SMIM10L3: variants seen among roughly 807,000 people sequenced by gnomAD.
The protein encoded by SMIM10L3 is small integral membrane protein 10 like 3, also known as salivary gland specific protein SAGSIN1.
At chr7:6,334,388 T>C in the SMIM10L3 span, among the ~76,000 whole-genome samples, 207 of 151,490 alleles carry the variant, frequency 1.4e-3, no homozygotes, top group African/African-American at 4.8e-3. Flanking sequence ...ATACAAAAAT[T>C]AGCTGGGCAT....
chr7:6,334,022 A>C, the SMIM10L3 span, among the ~76,000 whole-genome samples: 2,999 of 150,696 alleles, frequency 0.02, 120 homozygotes, highest in African/African-American at 0.069. Flanking sequence ...AATTTTTCGT[A>C]TTTTTAGTAG....
At chr7:6,332,501 CAT>C in the SMIM10L3 span, among the ~76,000 whole-genome samples, 2 of 152,078 alleles carry the variant, frequency 1.3e-5, no homozygotes, top group African/African-American at 4.8e-5. Flanking sequence ...AATTTTGACA[CAT>C]GATGTGTTCA....
the SMIM10L3 span, among the ~76,000 whole-genome samples, chr7:6,332,989 T>C: frequency 6.6e-6 from 1 of 151,942 alleles, no homozygotes; most frequent in South Asian, 2.1e-4. Flanking sequence ...TGAAACCCTG[T>C]CTCTATCAAA....
the SMIM10L3 span, among the ~76,000 whole-genome samples, chr7:6,333,168 C>CAA: frequency 7.8e-6 from 1 of 127,996 alleles, no homozygotes; most frequent in Non-Finnish European, 1.8e-5. Flanking sequence ...ATAAAAAAAT[C>CAA]AAAAAAAAAA....
the SMIM10L3 span, among the ~76,000 whole-genome samples, chr7:6,347,474 C>CCACCG: frequency 6.6e-6 from 1 of 151,858 alleles, no homozygotes; most frequent in Non-Finnish European, 1.5e-5. Flanking sequence ...TGAGATGGCG[C>CCACCG]CACCGCACTC....
the SMIM10L3 span, among the ~76,000 whole-genome samples, chr7:6,340,569 G>A: frequency 1.3e-5 from 2 of 152,014 alleles, no homozygotes; most frequent in African/African-American, 2.4e-5. Context: ...AGGGAATTCA[G>A]GATAACAGAC....
chr7:6,346,919 AG>A, the SMIM10L3 span, among the ~76,000 whole-genome samples: 1 of 152,300 alleles, frequency 6.6e-6, no homozygotes, highest in East Asian at 1.9e-4. Flanking sequence ...TCCCCAAAGG[AG>A]GGTCCCTCCT....
the SMIM10L3 span, chr7:6,330,272 C>T: frequency 5.3e-6 from 6 of 1,142,448 alleles, no homozygotes; most frequent in East Asian, 1.5e-4. Context: ...AAAACTACAG[C>T]AGGAACCTAA....
chr7:6,345,854 C>T, the SMIM10L3 span, among the ~76,000 whole-genome samples: 1 of 151,612 alleles, frequency 6.6e-6, no homozygotes, highest in Non-Finnish European at 1.5e-5. Flanking sequence ...CTGCAACCTC[C>T]ATCTCCTGGG....
chr7:6,340,945 T>C, the SMIM10L3 span, among the ~76,000 whole-genome samples: 46,564 of 107,498 alleles, frequency 0.43, 10,035 homozygotes, highest in East Asian at 0.85. Context: ...CTGCCTAACA[T>C]GGTGAAACCC....
At chr7:6,336,656 C>A in the SMIM10L3 span, among the ~76,000 whole-genome samples, 2 of 151,174 alleles carry the variant, frequency 1.3e-5, no homozygotes, top group African/African-American at 2.4e-5. Flanking sequence ...TGTACTCCAG[C>A]CTGAGAGAGC....
chr7:6,335,245 G>T, the SMIM10L3 span, among the ~76,000 whole-genome samples: 2 of 150,218 alleles, frequency 1.3e-5, no homozygotes, highest in Non-Finnish European at 3.0e-5. Context: ...TTTTTTAAAT[G>T]GAGTCTCGCT....
chr7:6,346,889 A>G, the SMIM10L3 span, among the ~76,000 whole-genome samples: 2 of 152,318 alleles, frequency 1.3e-5, no homozygotes, highest in Admixed American at 1.3e-4. Flanking sequence ...GAGCAACCCA[A>G]GGACCGTCCA....
chr7:6,332,416 G>C, the SMIM10L3 span, among the ~76,000 whole-genome samples: 1 of 152,142 alleles, frequency 6.6e-6, no homozygotes, highest in Admixed American at 6.6e-5. Flanking sequence ...ACTCACTTTT[G>C]AGTGTTGTCT....
the SMIM10L3 span, among the ~76,000 whole-genome samples, chr7:6,343,569 G>A: frequency 6.6e-6 from 1 of 151,466 alleles, no homozygotes; most frequent in East Asian, 1.9e-4. Flanking sequence ...ACTAAATTTA[G>A]TATTTGGTAT....
chr7:6,348,058 G>A, the SMIM10L3 span, among the ~76,000 whole-genome samples: 6 of 151,438 alleles, frequency 4.0e-5, 1 homozygote, highest in Non-Finnish European at 7.4e-5. Flanking sequence ...TTACAGGCAC[G>A]CGCCACCACG....
chr7:6,337,186 T>C, the SMIM10L3 span, among the ~76,000 whole-genome samples: 1 of 152,008 alleles, frequency 6.6e-6, no homozygotes, highest in African/African-American at 2.4e-5. Flanking sequence ...ACTCTCCTGT[T>C]TCAGCCTCCC....
At chr7:6,337,692 T>G in the SMIM10L3 span, among the ~76,000 whole-genome samples, 1 of 151,816 alleles carries the variant, frequency 6.6e-6, no homozygotes, top group Non-Finnish European at 1.5e-5. Context: ...AAGGTAAACA[T>G]GTATTCAATC....
the SMIM10L3 span, among the ~76,000 whole-genome samples, chr7:6,345,363 C>T: frequency 6.6e-5 from 10 of 152,098 alleles, no homozygotes; most frequent in Non-Finnish European, 1.5e-4. Flanking sequence ...GATCCTCCCA[C>T]CTCAGTCTCC....
Sources: gnomAD v4.1 joint callset for allele counts (sites outside exome capture counted in the v4.1 genomes callset) on GRCh38, gnomAD v4.1.1 for gene constraint, MANE v1.5 for transcripts, NCBI Gene and HGNC (gene_info 2026-07-23, HGNC 2026-07-21) for gene names.